Variants in SNTG2 observed in about 807,000 individuals in gnomAD.
SNTG2 encodes syntrophin gamma 2, also known as gamma-2-syntrophin.
Under a neutral mutation model 70.9 loss-of-function variants are expected in SNTG2, and 74 were observed. The observed-to-expected ratio is 1.04, with a 90% CI of 0.86 to 1.27. The LOEUF is 1.27. SNTG2 is among the 50% of genes most tolerant of loss of function. SNTG2 has a pLI of 0.00. For synonymous variants in SNTG2, 278 were observed against 273.8 expected, an observed-to-expected ratio of 1.02 and a Z score of -0.15; for missense variants, 717 against 690.7, an observed-to-expected ratio of 1.04 and a Z score of -0.43.
rs56246912 is a variant in SNTG2, at chr2:1,005,806, AATATATATATATATATATATATAT to A, written c.72+54784_72+54807del. On this transcript the variant is annotated intron_variant, in intron 1 of 16. Transcript: ENST00000308624. ...GCGACAGAGCAAGACTCTGCCTCAA[AATATATATATATATATATATATAT>A]ATATATATATATATATATATATATA... 2.1e-3 allele frequency among the ~76,000 whole-genome samples: 67 copies of A among 31,250 alleles called. 1 individual carries two copies. Among genetic ancestry groups the A allele is most frequent in the South Asian group, 4.0e-3 (3 of 746 alleles). 20.5% of individuals were successfully genotyped at this position (31,250 alleles called of 152,430 possible).
intron 12 of SNTG2, among the ~76,000 whole-genome samples, chr2:1,257,476 G>A (rs900699858): frequency 6.6e-6 from 1 of 152,108 alleles, no homozygotes; most frequent in African/African-American, 2.4e-5. Flanking sequence ...GACGCCACAG[G>A]GACGAACAGA....
chr2:977,959 T>C (rs1310125590), intron 1 of SNTG2, among the ~76,000 whole-genome samples: 1 of 152,252 alleles, frequency 6.6e-6, no homozygotes, highest in African/African-American at 2.4e-5. Flanking sequence ...TCGCTGTCAT[T>C]ATCTGTAACA....
chr2:1,248,108 A>C (rs898691396), intron 12 of SNTG2, among the ~76,000 whole-genome samples: 3 of 152,268 alleles, frequency 2.0e-5, no homozygotes, highest in Non-Finnish European at 4.4e-5. Flanking sequence ...TGTCACGTGC[A>C]GTGTTCATGG....
intron 8 of SNTG2, among the ~76,000 whole-genome samples, chr2:1,192,866 C>T (rs1214030161): frequency 6.6e-6 from 1 of 152,170 alleles, no homozygotes; most frequent in Non-Finnish European, 1.5e-5. Flanking sequence ...AGATTTATGG[C>T]AGATAAAGGA....
intron 9 of SNTG2, among the ~76,000 whole-genome samples, chr2:1,223,363 C>T (rs62107214): frequency 0.048 from 2,398 of 49,660 alleles, no homozygotes; most frequent in Non-Finnish European, 0.06. Context: ...CCTGTCCTGC[C>T]GTGGAGGTGC....
chr2:1,347,855 C>T (rs1382328750), intron 16 of SNTG2, among the ~76,000 whole-genome samples: 2 of 152,212 alleles, frequency 1.3e-5, no homozygotes, highest in Non-Finnish European at 1.5e-5. Context: ...GCCCTGCTGC[C>T]TCACCCATCA....
Position 1,290,194 on chromosome 2 carries a change from C to T in SNTG2, c.1285-18300C>T, listed in dbSNP as rs190936913. ...TTGACTCACAGTTCCACAGGCTGTA[C>T]AGGAGGCATGGTTGGGGAGACCTCA... On this transcript the variant is annotated intron_variant, in intron 14 of 16. Coordinates refer to ENST00000308624, the MANE Select transcript of SNTG2 (RefSeq NM_018968.4). Among the ~76,000 whole-genome samples, 684 of 152,134 alleles carry T rather than the reference C, an allele frequency of 4.5e-3. 7 individuals are homozygous for T. The highest frequency in any genetic ancestry group is 0.015 in the African/African-American group (642 of 41,498).
intron 9 of SNTG2, among the ~76,000 whole-genome samples, chr2:1,236,871 A>G (rs146024923): frequency 3.4e-4 from 51 of 152,112 alleles, no homozygotes; most frequent in Admixed American, 9.8e-4. Context: ...TTTGTTCTGT[A>G]TTTTATCTTC....
At chr2:1,319,208 C>G (rs963596783) in intron 16 of SNTG2, among the ~76,000 whole-genome samples, 3 of 152,188 alleles carry the variant, frequency 2.0e-5, no homozygotes, top group African/African-American at 7.2e-5. Context: ...AGACCGGCAT[C>G]GCTGCCTTGT....
At chr2:1,162,019 G>A (rs28631907) in intron 6 of SNTG2, among the ~76,000 whole-genome samples, 146,912 of 148,922 alleles carry the variant, frequency 0.99, 72,505 homozygotes, top group Middle Eastern at 1. Flanking sequence ...GCTTGCAGTG[G>A]GCCCAGATGG....
At chr2:1,153,465 T>C (rs565867384) in intron 6 of SNTG2, among the ~76,000 whole-genome samples, 1 of 152,332 alleles carries the variant, frequency 6.6e-6, no homozygotes, top group South Asian at 2.1e-4. Flanking sequence ...AGGATCTGCC[T>C]CTGAATTATA....
chr2:1,043,488 T>C (rs1661559005), intron 1 of SNTG2, among the ~76,000 whole-genome samples: 1 of 152,218 alleles, frequency 6.6e-6, no homozygotes, highest in South Asian at 2.1e-4. Context: ...ATGAAGTCTT[T>C]GCTAGGCCCT....
At chr2:1,224,248 A>G (rs755988111) in intron 9 of SNTG2, among the ~76,000 whole-genome samples, 1 of 151,978 alleles carries the variant, frequency 6.6e-6, no homozygotes, top group South Asian at 2.1e-4. Flanking sequence ...TGGGAATTTG[A>G]CCCCAGACTT....
chr2:1,236,461 T>C (rs1253454684), intron 9 of SNTG2, among the ~76,000 whole-genome samples: 1 of 152,232 alleles, frequency 6.6e-6, no homozygotes, highest in African/African-American at 2.4e-5. Flanking sequence ...GCAGGGGACC[T>C]GCTTCCTCTG....
intron 1 of SNTG2, among the ~76,000 whole-genome samples, chr2:1,006,272 T>C (rs1659568351): frequency 6.6e-6 from 1 of 151,362 alleles, no homozygotes; most frequent in African/African-American, 2.4e-5. Context: ...GTAACTAACC[T>C]GCACAATGTG....
intron 1 of SNTG2, among the ~76,000 whole-genome samples, chr2:1,063,875 C>A (rs1407798102): frequency 6.6e-6 from 1 of 152,136 alleles, no homozygotes; most frequent in African/African-American, 2.4e-5. Context: ...GATATTTGAA[C>A]ATACAATGGC....
chr2:1,310,842 G>A (rs974133098), intron 15 of SNTG2, among the ~76,000 whole-genome samples: 6 of 152,250 alleles, frequency 3.9e-5, no homozygotes, highest in Non-Finnish European at 7.4e-5. Context: ...TTTTAAAATA[G>A]CTATAATTTG....
intron 1 of SNTG2, among the ~76,000 whole-genome samples, chr2:1,043,752 A>T (rs901747053): frequency 4.6e-5 from 7 of 152,010 alleles, no homozygotes; most frequent in African/African-American, 1.7e-4. Flanking sequence ...TGGGTTCTCT[A>T]ATTTGTCCCA....
chr2:1,321,922 T>C (rs1553279188), intron 16 of SNTG2, among the ~76,000 whole-genome samples: 1 of 151,872 alleles, frequency 6.6e-6, no homozygotes, highest in African/African-American at 2.4e-5. Flanking sequence ...CCTTCCTTCC[T>C]TCCTTCTCTC....
Sources: gnomAD v4.1 joint callset for allele counts (sites outside exome capture counted in the v4.1 genomes callset) on GRCh38, gnomAD v4.1.1 for gene constraint, MANE v1.5 for transcripts, NCBI Gene and HGNC (gene_info 2026-07-23, HGNC 2026-07-21) for gene names.